Variants in MYH11 observed in about 807,000 individuals in gnomAD.
MYH11 encodes myosin-11.
Under a neutral mutation model 246.6 loss-of-function variants are expected in MYH11, and 80 were observed. That is an observed-to-expected ratio of 0.32 (90% CI 0.27 to 0.39). MYH11 has a LOEUF of 0.39. Among genes scored for constraint, MYH11 ranks in the 10% least tolerant of loss-of-function variants. The pLI, the probability that MYH11 is intolerant of heterozygous loss-of-function variation, is 1.00. For missense variants in MYH11, 2,158 were observed against 2,546.8 expected (o/e 0.85, Z 3.29); for synonymous variants, 1,071 against 1,015.5 (o/e 1.05, Z -1.04).
At chr16:15,723,284 C>T (rs905612643) in intron 31 of MYH11, among the ~76,000 whole-genome samples, 2 of 152,104 alleles carry the variant, frequency 1.3e-5, no homozygotes, top group Non-Finnish European at 2.9e-5. Context: ...GGGAAATGTA[C>T]TGACATCTGT....
chr16:15,790,196 T>C (rs1216952380), intron 4 of MYH11, among the ~76,000 whole-genome samples: 1 of 152,134 alleles, frequency 6.6e-6, no homozygotes, highest in East Asian at 1.9e-4. Context: ...TCCCAGCTAC[T>C]TGGGGAGCTG....
intron 3 of MYH11, among the ~76,000 whole-genome samples, chr16:15,820,542 T>C (rs1205716425): frequency 6.7e-6 from 1 of 150,272 alleles, no homozygotes; most frequent in African/African-American, 2.4e-5. Context: ...AATTCACAGC[T>C]GAATGAACGC....
At chr16:15,850,139 C>G (rs1187253575) in intron 1 of MYH11, among the ~76,000 whole-genome samples, 2 of 152,212 alleles carry the variant, frequency 1.3e-5, no homozygotes, top group East Asian at 1.9e-4. Context: ...AATCCCAGTA[C>G]TTCGGGAGGC....
At chr16:15,775,563 C>T (rs1169013751) in intron 8 of MYH11, among the ~76,000 whole-genome samples, 4 of 152,186 alleles carry the variant, frequency 2.6e-5, no homozygotes, top group Non-Finnish European at 5.9e-5. Context: ...AGCCACCTGG[C>T]CTGCAAAGCC....
chr16:15,773,290 A>ATT (rs34265896), intron 8 of MYH11, among the ~76,000 whole-genome samples: 37,327 of 128,358 alleles, frequency 0.29, 6,070 homozygotes, highest in African/African-American at 0.37. Flanking sequence ...TCCTCCAGCT[A>ATT]TTTTTTTTTT....
In MYH11 at chr16:15,732,380, G is replaced by A. The variant is rs118095801; in HGVS notation, c.3651+184C>T. The A allele has an allele frequency of 0.016, 13,906 of 892,328 alleles. 160 individuals carry two copies. Among genetic ancestry groups the A allele is most frequent in the East Asian group, 0.035 (1,364 of 38,692 alleles). The allele number at this position is 892,328 out of a possible 1,614,324, so 55.3% of individuals were successfully genotyped here. Reference sequence around the variant, plus strand: ...CTCCCCAAGTACTGGGATTACAGGCGTGAGCCACCTCACCCAGCCTGTATG... The same window carrying A: ...CTCCCCAAGTACTGGGATTACAGGCATGAGCCACCTCACCCAGCCTGTATG... On this transcript the variant is annotated intron_variant, in intron 27 of 40. Transcript: ENST00000300036.
rs977746535 is a variant in MYH11 at position 15,720,074 on chromosome 16, C to T, written c.4953+77G>A. On this transcript the variant is annotated intron_variant, in intron 34 of 40. Coordinates refer to ENST00000300036, the MANE Select transcript of MYH11 (RefSeq NM_002474.3). ...AGGTGCAGGCTTGCTTCCTGGAGCCCGCTCTGCTGACTTCGGTGGCCTGAG... is the reference window on the plus strand; with the variant it reads ...AGGTGCAGGCTTGCTTCCTGGAGCCTGCTCTGCTGACTTCGGTGGCCTGAG... 176 of 1,594,534 alleles carry T rather than the reference C, an allele frequency of 1.1e-4. 1 individual carries two copies. The highest frequency in any genetic ancestry group is 3.3e-4 in the Middle Eastern group (2 of 6,030).
intron 2 of MYH11, among the ~76,000 whole-genome samples, chr16:15,824,786 T>C (rs1430887281): frequency 1.3e-5 from 2 of 152,152 alleles, no homozygotes; most frequent in African/African-American, 4.8e-5. Flanking sequence ...CCAATGTCCA[T>C]ATCTAAGAAG....
In MYH11 at chr16:15,779,061, T is replaced by A. The variant is rs1397781896; in HGVS notation, c.727-218A>T. 7 of 646,772 alleles carry A rather than the reference T, an allele frequency of 1.1e-5. No homozygotes were observed. In the South Asian group the frequency reaches 1.2e-4, roughly 11 times the overall value. The allele number at this position is 646,772 out of a possible 1,614,324, so 40.1% of individuals were successfully genotyped here. A position where few individuals can be genotyped will look rare whatever the true frequency, so the allele number is the denominator to read the frequency against. ...TGACAGCAACAGAACGTGTAAAACA[T>A]GTTCACAGATCAATTTCATTCGGCT... On this transcript the variant is annotated intron_variant, in intron 6 of 40. Transcript: ENST00000300036.
chr16:15,820,003 C>T (rs62030636), intron 3 of MYH11, among the ~76,000 whole-genome samples: 20,800 of 152,086 alleles, frequency 0.14, 1,446 homozygotes, highest in East Asian at 0.15. Context: ...TTCTGGAAAA[C>T]AAGGTGCAGT....
rs2039325604 is a variant in MYH11 at position 15,704,125 on chromosome 16, T to C, written c.5787-2A>G. 6.2e-6 allele frequency: 10 copies of C among 1,614,022 alleles called. No individual in the cohort carries two copies. In the East Asian group the frequency reaches 2.2e-4, roughly 36 times the overall value. ...ACGAAAGAGGTCTCGTTTCCTCGCC[T>C]GTGGGTTGTAAGAAAACACATTATT... On this transcript the variant is annotated splice_acceptor_variant, in intron 40 of 40. Transcript: ENST00000300036. LOFTEE classifies it high-confidence loss of function.
intron 3 of MYH11, among the ~76,000 whole-genome samples, chr16:15,819,480 C>T (rs1311047253): frequency 6.6e-6 from 1 of 152,116 alleles, no homozygotes; most frequent in Non-Finnish European, 1.5e-5. Flanking sequence ...TCAGAGGCGG[C>T]ATTAGACTCT....
At chr16:15,816,547 A>G (rs537998871) in intron 3 of MYH11, among the ~76,000 whole-genome samples, 103 of 152,316 alleles carry the variant, frequency 6.8e-4, no homozygotes, top group South Asian at 2.3e-3. Context: ...TCTAGATAGC[A>G]TTACATAGTC....
intron 10 of MYH11, 55 bp downstream of exon 10, chr16:15,763,741 T>TAGGG: frequency 1.5e-6 from 1 of 646,862 alleles, no homozygotes; most frequent in Non-Finnish European, 2.9e-6. Flanking sequence ...AAATGTCACC[T>TAGGG]CCCCCACCCC....
At chr16:15,816,891 C>T (rs764385770) in intron 3 of MYH11, among the ~76,000 whole-genome samples, 2 of 151,734 alleles carry the variant, frequency 1.3e-5, no homozygotes, top group Non-Finnish European at 2.9e-5. Context: ...AAGCCGTCTG[C>T]ATGAATACTT....
intron 1 of MYH11, among the ~76,000 whole-genome samples, chr16:15,845,462 C>T (rs1046298625): frequency 4.6e-5 from 7 of 152,268 alleles, no homozygotes; most frequent in South Asian, 2.1e-4. Flanking sequence ...TTCTCACTTC[C>T]GGTGACTCTA....
Position 15,719,728 on chromosome 16 carries a change from A to C in MYH11, c.4954-15T>G. 1 of 1,613,914 alleles carries C rather than the reference A, an allele frequency of 6.2e-7. No individual in the cohort carries two copies. ...TTCATCTGAGCCTGCATGAGTCAACAGGGAGGACAAGCTCAGATGTCCTTA... is the reference window on the plus strand; with the variant it reads ...TTCATCTGAGCCTGCATGAGTCAACCGGGAGGACAAGCTCAGATGTCCTTA... On this transcript the variant is annotated splice_polypyrimidine_tract_variant and intron_variant, in intron 34 of 40. Coordinates refer to ENST00000300036, the MANE Select transcript of MYH11 (RefSeq NM_002474.3).
At chr16:15,818,032 G>A (rs537786469) in intron 3 of MYH11, among the ~76,000 whole-genome samples, 2 of 152,340 alleles carry the variant, frequency 1.3e-5, no homozygotes, top group Non-Finnish European at 1.5e-5. Flanking sequence ...GAGATACAAT[G>A]ATGCACATGC....
rs1402732324 is a variant in MYH11 at position 15,718,350 on chromosome 16, C to T, written c.5260G>A (p.Ala1754Thr). 14 of 1,609,006 alleles carry T rather than the reference C, an allele frequency of 8.7e-6. No individual in the cohort carries two copies. The South Asian group carries it at 1.5e-4, about 18-fold the overall frequency. The change falls in exon 37 of 41, where the codon GCC becomes ACC. Residue 1754 changes from alanine (A) to threonine (T), a missense_variant. By Grantham distance (58) the Ala-to-Thr change is moderately conservative (BLOSUM62 0). Around this residue, in one of 11 missense-constraint regions of MYH11, gnomAD observed 1,013 missense variants for 993.5 expected, o/e 1.02. Transcript: ENST00000300036. ...GCTTTGCGGACCCGGTCGCTCATGGCCTCCATGTTGCCCTGCTCCTCCTCC... is the reference window on the plus strand; with the variant it reads ...GCTTTGCGGACCCGGTCGCTCATGGTCTCCATGTTGCCCTGCTCCTCCTCC... ...ELEEEQGNMEAMSDRVRKATQ... is the reference protein window; with the variant it reads ...ELEEEQGNMETMSDRVRKATQ...
Sources: gnomAD v4.1 joint callset for allele counts (sites outside exome capture counted in the v4.1 genomes callset) on GRCh38, gnomAD v4.1.1 for gene constraint, gnomAD v4.1.1 regional missense constraint, MANE v1.5 for transcripts, NCBI Gene and HGNC (gene_info 2026-07-23, HGNC 2026-07-21) for gene names.